The following PPIC variants were observed in gnomAD, a reference collection of about 807,000 sequenced individuals.
PPIC encodes peptidyl-prolyl cis-trans isomerase C.
In PPIC, 19 loss-of-function variants were observed where a neutral mutation model predicts 19.5. The observed-to-expected ratio is 0.98, with a 90% CI of 0.68 to 1.43. PPIC has a LOEUF of 1.43. Ranked by LOEUF, PPIC falls within the 40% of genes most tolerant of loss-of-function variation. The pLI, the probability that PPIC is intolerant of heterozygous loss-of-function variation, is 0.00. For missense variants in PPIC, 268 were observed against 268.6 expected (o/e 1.00, Z 0.02); for synonymous variants, 107 against 101.2 (o/e 1.06, Z -0.34).
chr5:123,025,163 C>T (rs1279612469), intron 4 of PPIC, among the ~76,000 whole-genome samples: 1 of 152,140 alleles, frequency 6.6e-6, no homozygotes, highest in African/African-American at 2.4e-5. Context: ...GTAAGAAATA[C>T]ATAACATAAA....
intron 1 of PPIC, among the ~76,000 whole-genome samples, chr5:123,033,851 C>T (rs1762971115): frequency 6.6e-6 from 1 of 152,214 alleles, no homozygotes; most frequent in South Asian, 2.1e-4. Flanking sequence ...GGCATTATTT[C>T]ATACACTCCC....
At position 123,028,801 on chromosome 5, in the gene PPIC, T is replaced by G. The variant is rs1561750507; in HGVS notation, c.299A>C (p.Asp100Ala). Residue 100 changes from aspartate (D) to alanine (A), a missense_variant, in exon 3 of 5, where the codon GAC (aspartate) becomes GCC (alanine). Physicochemically the swap from Asp to Ala is moderately radical, Grantham distance 126. Coordinates refer to ENST00000306442, the MANE Select transcript of PPIC (RefSeq NM_000943.5). ...VIKDFMIQGGDITTGDGTGGV... is the reference protein window; with the variant it reads ...VIKDFMIQGGAITTGDGTGGV... Reference sequence around the variant, plus strand: ...CCCAGTGCCATCTCCAGTGGTGATGTCACCTCCTTGAATCATGAAATCCTT... The same window carrying G: ...CCCAGTGCCATCTCCAGTGGTGATGGCACCTCCTTGAATCATGAAATCCTT... 6.2e-7 allele frequency: 1 copy of G among 1,613,606 alleles called. No homozygotes were observed. Among genetic ancestry groups the G allele is most frequent in the Non-Finnish European group, 8.5e-7 (1 of 1,179,500 alleles).
At position 123,036,444 on chromosome 5, in the gene PPIC, T is replaced by A; in HGVS notation, c.117+65A>T. On this transcript the variant is annotated intron_variant, in intron 1 of 4. Coordinates refer to ENST00000306442, the MANE Select transcript of PPIC (RefSeq NM_000943.5). The surrounding 1 kb of genome is among the most constrained non-coding windows in gnomAD (Gnocchi z 4.5). The stretch of plus-strand genomic sequence containing the variant: ...GCCCGCCCTGACACCGAGGTCCCAG[T>A]ATCCAAAGCGCCCCCAGGGCCCCGC... 7.0e-7 allele frequency: 1 copy of A among 1,428,138 alleles called. No homozygotes were observed. The allele number at this position is 1,428,138 out of a possible 1,614,324, so 88.5% of individuals were successfully genotyped here.
At chr5:123,026,740 G>C (rs1294380337) in intron 3 of PPIC, among the ~76,000 whole-genome samples, 1 of 152,204 alleles carries the variant, frequency 6.6e-6, no homozygotes, top group South Asian at 2.1e-4. Context: ...GAAGTCTGGA[G>C]TTCTAGCAAA....
chr5:123,027,709 C>T (rs1159050421), intron 3 of PPIC, among the ~76,000 whole-genome samples: 1 of 152,090 alleles, frequency 6.6e-6, no homozygotes, highest in Non-Finnish European at 1.5e-5. Context: ...TTGCAATAAA[C>T]ATAAAATTAG....
In PPIC at chr5:123,023,782, A is replaced by G; in HGVS notation, c.*93T>C. The G allele has an allele frequency of 7.1e-7, 1 of 1,406,380 alleles. No homozygotes were observed. The highest frequency in any genetic ancestry group is 9.3e-7 in the Non-Finnish European group (1 of 1,071,462). 87.1% of individuals were successfully genotyped at this position (1,406,380 alleles called of 1,614,324 possible). ...AATACAAAAAGAAAGTAAAAAAAAA[A>G]AAGCAAATAATTGAAAGACAACACA... On this transcript the variant is annotated 3_prime_UTR_variant, in exon 5 of 5. Transcript: ENST00000306442.
intron 3 of PPIC, 33 bp from the exon 4 acceptor site, chr5:123,026,001 G>A: frequency 1.9e-6 from 3 of 1,551,532 alleles, no homozygotes; most frequent in Middle Eastern, 1.7e-4. Flanking sequence ...GTCAACAGAT[G>A]TCTTCCAAAA....
At chr5:123,032,199 A>ACATCATCTTATATAATTCATCCT (rs1476970359) in intron 1 of PPIC, among the ~76,000 whole-genome samples, 2 of 152,238 alleles carry the variant, frequency 1.3e-5, no homozygotes, top group African/African-American at 4.8e-5. Context: ...TGGGTAACCC[A>ACATCATCTTATATAATTCATCCT]CATCATCTTA....
In PPIC at chr5:123,023,806, C is replaced by T; in HGVS notation, c.*69G>A. 1 of 1,146,866 alleles carries T rather than the reference C, an allele frequency of 8.7e-7. No homozygotes were observed. The allele number at this position is 1,146,866 out of a possible 1,614,324, so 71.0% of individuals were successfully genotyped here. On this transcript the variant is annotated 3_prime_UTR_variant, in exon 5 of 5. Coordinates refer to ENST00000306442, the MANE Select transcript of PPIC (RefSeq NM_000943.5). Reference sequence around the variant, plus strand: ...AAAAGCAAATAATTGAAAGACAACACAACACACACACACACACACACACAC... The same window carrying T: ...AAAAGCAAATAATTGAAAGACAACATAACACACACACACACACACACACAC...
chr5:123,028,234 G>A (rs868758124), intron 3 of PPIC, among the ~76,000 whole-genome samples: 2 of 152,200 alleles, frequency 1.3e-5, no homozygotes, highest in African/African-American at 2.4e-5. Context: ...AGCCAGGAGT[G>A]TGAGTCACTT....
rs528160347 is a variant in PPIC at position 123,023,313 on chromosome 5, T to A, written c.*562A>T. On this transcript the variant is annotated 3_prime_UTR_variant, in exon 5 of 5. Transcript: ENST00000306442. ...ATCTTTCTAATCTGTTCACTGTTAA[T>A]GCTAGAGTGTGTGTATTTTTGTATA... The A allele has an allele frequency of 1.3e-5, 2 of 152,394 alleles. No individual in the cohort carries two copies. Among genetic ancestry groups the A allele is most frequent in the East Asian group, 3.9e-4 (2 of 5,190 alleles). The allele number at this position is 152,394 out of a possible 1,614,324, so 9.4% of individuals were successfully genotyped here.
At chr5:123,026,079 G>T in intron 3 of PPIC, 111 bp from the exon 4 acceptor site, 1 of 900,828 alleles carries the variant, frequency 1.1e-6, no homozygotes. Flanking sequence ...AGGAGGTAGG[G>T]ATGGGGAAGA....
In PPIC at chr5:123,023,831, C is replaced by CACAT. The variant is rs757629304; in HGVS notation, c.*43_*44insATGT. 22 of 1,606,930 alleles carry CACAT rather than the reference C, an allele frequency of 1.4e-5. No homozygotes were observed. The East Asian group carries it at 4.9e-4, about 36-fold the overall frequency. ...CAACACACACACACACACACACACA[C>CACAT]ACACACCCCTGCCAAAGCATATCCT... is the stretch of plus-strand genomic sequence containing the variant. On this transcript the variant is annotated 3_prime_UTR_variant, in exon 5 of 5. Transcript: ENST00000306442.
intron 3 of PPIC, 46 bp from the exon 4 acceptor site, chr5:123,026,014 C>T (rs370319595): frequency 3.3e-6 from 5 of 1,513,844 alleles, no homozygotes; most frequent in African/African-American, 1.4e-5. Context: ...TTCCAAAAGT[C>T]AGCTCTTCAA....
chr5:123,035,410 C>G lies in PPIC; in HGVS notation c.117+1099G>C, dbSNP rs1314075397. 2.6e-5 allele frequency among the ~76,000 whole-genome samples: 4 copies of G among 152,290 alleles called. No homozygotes were observed. In the East Asian group the frequency reaches 5.8e-4, roughly 22 times the overall value. On this transcript the variant is annotated intron_variant, in intron 1 of 4. Transcript: ENST00000306442. ...AAGATCAAGAGGCTGGGAGTAAGATCAGAGCTTCTCGAAACCATCAGGCTG... is the reference window on the plus strand; with the variant it reads ...AAGATCAAGAGGCTGGGAGTAAGATGAGAGCTTCTCGAAACCATCAGGCTG...
intron 1 of PPIC, among the ~76,000 whole-genome samples, chr5:123,032,774 G>A (rs1167333627): frequency 6.6e-6 from 1 of 152,206 alleles, no homozygotes; most frequent in African/African-American, 2.4e-5. Context: ...CAGATAAGGT[G>A]TCATGGTAAG....
chr5:123,026,076 A>G (rs1317502680), intron 3 of PPIC, 108 bp from the exon 4 acceptor site: 8 of 934,710 alleles, frequency 8.6e-6, no homozygotes, highest in Admixed American at 3.4e-5. Context: ...TATAGGAGGT[A>G]GGGATGGGGA....
chr5:123,031,359 C>T (rs1018050478), intron 1 of PPIC, among the ~76,000 whole-genome samples: 4 of 152,180 alleles, frequency 2.6e-5, no homozygotes, highest in South Asian at 2.1e-4. Context: ...CCTGCAGGAA[C>T]GGTGAGGCTA....
At chr5:123,025,418 C>T (rs1246326783) in intron 4 of PPIC, among the ~76,000 whole-genome samples, 1 of 152,176 alleles carries the variant, frequency 6.6e-6, no homozygotes, top group African/African-American at 2.4e-5. Flanking sequence ...CTTCCTACGA[C>T]TGGTTTATTT....
Sources: gnomAD v4.1 joint callset for allele counts (sites outside exome capture counted in the v4.1 genomes callset) on GRCh38, gnomAD v4.1.1 for gene constraint, Gnocchi (gnomAD v3.1) non-coding constraint, MANE v1.5 for transcripts, NCBI Gene and HGNC (gene_info 2026-07-23, HGNC 2026-07-21) for gene names.